Variants in SASH1 observed in about 807,000 individuals in gnomAD.
SASH1 encodes the protein SAM and SH3 domain containing 1.
Under a neutral mutation model 125.2 loss-of-function variants are expected in SASH1, and 44 were observed. That is an observed-to-expected ratio of 0.35 (90% CI 0.28 to 0.45). The LOEUF is 0.45. Among genes scored for constraint, SASH1 ranks in the 20% least tolerant of loss-of-function variants. SASH1 has a pLI of 1.00. For synonymous variants in SASH1, 639 were observed against 649.1 expected, an observed-to-expected ratio of 0.98 and a Z score of 0.24; for missense variants, 1,426 against 1,614.5, an observed-to-expected ratio of 0.88 and a Z score of 2.00.
At chr6:148,441,854 T>C (rs1776560133) in intron 4 of SASH1, among the ~76,000 whole-genome samples, 1 of 152,230 alleles carries the variant, frequency 6.6e-6, no homozygotes, top group South Asian at 2.1e-4. Context: ...AAATGTGGCA[T>C]GGCTCTTGTG....
intron 7 of SASH1, chr6:148,480,545 A>C (rs974968912): frequency 1.3e-5 from 2 of 152,180 alleles, no homozygotes; most frequent in Admixed American, 1.3e-4. Flanking sequence ...ATCAGTGATT[A>C]CAGGACATCT....
intron 2 of SASH1, among the ~76,000 whole-genome samples, chr6:148,439,756 A>T (rs1672098387): frequency 6.6e-6 from 1 of 151,162 alleles, no homozygotes; most frequent in Non-Finnish European, 1.5e-5. Context: ...CAGCCTGGTG[A>T]CAGAGCTAGA....
At chr6:148,195,411 C>T in the SASH1 span, among the ~76,000 whole-genome samples, 1 of 152,206 alleles carries the variant, frequency 6.6e-6, no homozygotes, top group African/African-American at 2.4e-5. Context: ...GAGACGTAGG[C>T]ATTGGTCCTG....
intron 2 of SASH1, among the ~76,000 whole-genome samples, chr6:148,418,664 G>A (rs931835048): frequency 8.5e-5 from 13 of 152,126 alleles, no homozygotes; most frequent in Non-Finnish European, 1.2e-4. Flanking sequence ...CAGGCACTTC[G>A]CTAGGTCTTG....
At position 148,343,107 on chromosome 6, in the gene SASH1, G is replaced by A; in HGVS notation, c.40G>A (p.Glu14Lys). The change falls in exon 1 of 20, where the codon GAG becomes AAG. Residue 14 changes from glutamate (E) to lysine (K), a missense_variant. Glu to Lys is a moderately conservative substitution (Grantham distance 56). Around this residue, in one of 3 missense-constraint regions of SASH1, gnomAD observed 567 missense variants for 575.6 expected, o/e 0.99. Coordinates refer to ENST00000367467, the MANE Select transcript of SASH1 (RefSeq NM_015278.5). ...AGCAGCTGGCCCGGGGCCGGAGCCTGAGCCCGAGCCCGAGCCGGAGCCCGA... is the reference window on the plus strand; with the variant it reads ...AGCAGCTGGCCCGGGGCCGGAGCCTAAGCCCGAGCCCGAGCCGGAGCCCGA... Reference protein sequence around the residue: ...AGAAGPGPEPEPEPEPEPEPA... With the variant: ...AGAAGPGPEPKPEPEPEPEPA... 1.9e-6 allele frequency: 3 copies of A among 1,547,348 alleles called. No homozygotes were observed. In the South Asian group the frequency reaches 3.4e-5, roughly 18 times the overall value.
chr6:148,396,478 GAAAAAAAA>G (rs61277112), intron 2 of SASH1, among the ~76,000 whole-genome samples: 63 of 63,798 alleles, frequency 9.9e-4, no homozygotes, highest in African/African-American at 2.3e-3. Flanking sequence ...CTGCATCTCA[GAAAAAAAA>G]AAAAAAAAAA....
intron 1 of SASH1, among the ~76,000 whole-genome samples, chr6:148,324,129 A>AAAAAAAAAC (rs1312917946): frequency 2.0e-5 from 3 of 149,956 alleles, no homozygotes; most frequent in African/African-American, 7.3e-5. Context: ...AAAAAAAAAA[A>AAAAAAAAAC]AAAAAAACAA....
chr6:148,363,915 A>G lies in SASH1; in HGVS notation c.156+20692A>G, dbSNP rs536998674. ...ATATTTTATTCCCTGTGGATTCTATAATGGACATTTTAATTAAACTCTAAT... is the reference window on the plus strand; with the variant it reads ...ATATTTTATTCCCTGTGGATTCTATGATGGACATTTTAATTAAACTCTAAT... On this transcript the variant is annotated intron_variant, in intron 1 of 19. Coordinates refer to ENST00000367467, the MANE Select transcript of SASH1 (RefSeq NM_015278.5). Among the ~76,000 whole-genome samples the G allele has an allele frequency of 1.6e-4, 24 of 152,190 alleles. 1 individual carries two copies. The highest frequency in any genetic ancestry group is 5.8e-4 in the African/African-American group (24 of 41,448).
At chr6:148,345,933 GTAAA>G (rs1781507124) in intron 1 of SASH1, among the ~76,000 whole-genome samples, 1 of 152,314 alleles carries the variant, frequency 6.6e-6, no homozygotes, top group African/African-American at 2.4e-5. Flanking sequence ...TGTGTTTTAG[GTAAA>G]ATGTGACTTA....
Position 148,533,620 on chromosome 6 carries a change from A to G in SASH1, c.1735-151A>G. ...TCTGCGGAGCTCACAGTCACATCCT[A>G]TGCAGGTCACTCAGAGGGGTGACTT... On this transcript the variant is annotated intron_variant, in intron 14 of 19. Coordinates refer to ENST00000367467, the MANE Select transcript of SASH1 (RefSeq NM_015278.5). This position sits in a 1 kb window ranked among gnomAD's most constrained non-coding sequence, Gnocchi z 6.2. 4.2e-6 allele frequency: 3 copies of G among 716,604 alleles called. No homozygotes were observed. Among genetic ancestry groups the G allele is most frequent in the Non-Finnish European group, 7.2e-6 (3 of 414,564 alleles). The allele number at this position is 716,604 out of a possible 1,614,324, so 44.4% of individuals were successfully genotyped here. A position where few individuals can be genotyped will look rare whatever the true frequency, so the allele number is the denominator to read the frequency against.
chr6:148,499,645 G>A (rs1779481820), intron 8 of SASH1, among the ~76,000 whole-genome samples: 1 of 152,154 alleles, frequency 6.6e-6, no homozygotes, highest in Non-Finnish European at 1.5e-5. Flanking sequence ...CCCAGAGAAG[G>A]TGGTTGACAC....
At position 148,544,525 on chromosome 6, in the gene SASH1, C is replaced by T; in HGVS notation, c.3055C>T (p.Leu1019=). 1.2e-6 allele frequency: 2 copies of T among 1,613,336 alleles called. No individual in the cohort carries two copies. Among genetic ancestry groups the T allele is most frequent in the Non-Finnish European group, 1.7e-6 (2 of 1,179,986 alleles). The change falls in exon 18 of 20, where the codon CTG becomes TTG. Residue 1019 remains leucine (L), a synonymous_variant. Coordinates refer to ENST00000367467, the MANE Select transcript of SASH1 (RefSeq NM_015278.5). The surrounding 1 kb of genome is among the most constrained non-coding windows in gnomAD (Gnocchi z 6.4). Reference sequence around the variant, plus strand: ...CCTCCCCAGTCCCGATGCGCCATGCCTGCCAGTGAAAAGGGGCAGCCCCGC... The same window carrying T: ...CCTCCCCAGTCCCGATGCGCCATGCTTGCCAGTGAAAAGGGGCAGCCCCGC... ...GALPSPDAPC[L]PVKRGSPASP...
At chr6:148,424,241 T>C (rs190651729) in intron 2 of SASH1, among the ~76,000 whole-genome samples, 291 of 151,846 alleles carry the variant, frequency 1.9e-3, no homozygotes, top group African/African-American at 6.5e-3. Context: ...TCTTTTTTTT[T>C]TTTGGGGGGG....
intron 1 of SASH1, among the ~76,000 whole-genome samples, chr6:148,324,535 G>A (rs1780746144): frequency 6.6e-6 from 1 of 152,060 alleles, no homozygotes; most frequent in African/African-American, 2.4e-5. Flanking sequence ...TTCAGCTTGG[G>A]AATGTTCTCA....
chr6:148,292,581 CA>C (rs978101434), intron 1 of SASH1, among the ~76,000 whole-genome samples: 104 of 152,230 alleles, frequency 6.8e-4, no homozygotes, highest in African/African-American at 2.2e-3. Context: ...GTGTAAAGGG[CA>C]TGTTACTTAA....
rs1345748335 is a variant in SASH1, at chr6:148,326,023, T to C, written n.74+53646T>C. 1.7e-4 allele frequency among the ~76,000 whole-genome samples: 23 copies of C among 132,446 alleles called. No homozygotes were observed. The Admixed American group carries it at 2.0e-3, about 11-fold the overall frequency. The allele number at this position is 132,446 out of a possible 152,430, so 86.9% of individuals were successfully genotyped here. A position where few individuals can be genotyped will look rare whatever the true frequency, so the allele number is the denominator to read the frequency against. On this transcript the variant is annotated intron_variant and non_coding_transcript_variant, in intron 1 of 3. Transcript: ENST00000367469. The stretch of plus-strand genomic sequence containing the variant: ...ATTTATAATCCTCAGTGATTCCACA[T>C]TGCTCTTGAACTTTTTTTTTTTTTG...
At chr6:148,377,119 G>A (rs757523760) in intron 1 of SASH1, among the ~76,000 whole-genome samples, 3 of 136,318 alleles carry the variant, frequency 2.2e-5, no homozygotes, top group Non-Finnish European at 3.1e-5. Context: ...GCAGTGAGCC[G>A]AGATCCCGCC....
In SASH1 at chr6:148,429,088, G is replaced by A. The variant is rs540028203; in HGVS notation, c.286-11096G>A. ...TAAACATTACAACATTCTGTTTTAAGTTCTTATGTATCTAGGTTGTAGATC... is the reference window on the plus strand; with the variant it reads ...TAAACATTACAACATTCTGTTTTAAATTCTTATGTATCTAGGTTGTAGATC... On this transcript the variant is annotated intron_variant, in intron 2 of 19. Coordinates refer to ENST00000367467, the MANE Select transcript of SASH1 (RefSeq NM_015278.5). Among the ~76,000 whole-genome samples the A allele has an allele frequency of 2.0e-5, 3 of 152,230 alleles. No homozygotes were observed. In the East Asian group the frequency reaches 5.8e-4, roughly 29 times the overall value.
rs879657198 is a variant in SASH1, at chr6:148,287,695, G to GTGT, written n.74+15318_74+15319insTGT. Among the ~76,000 whole-genome samples, 15 of 147,172 alleles carry GTGT rather than the reference G, an allele frequency of 1.0e-4. No homozygotes were observed. The South Asian group carries it at 1.1e-3, about 11-fold the overall frequency. On this transcript the variant is annotated intron_variant and non_coding_transcript_variant, in intron 1 of 3. Coordinates refer to the SASH1 transcript ENST00000367469. Reference sequence around the variant, plus strand: ...CTGTAATCAGTGCGTGCGTGTGTGTGGGGGGGTGGGGGGTGGTATTCCTCT... The same window carrying GTGT: ...CTGTAATCAGTGCGTGCGTGTGTGTGTGTGGGGGGTGGGGGGTGGTATTCCTCT...
Sources: allele counts gnomAD v4.1 joint callset (sites outside exome capture counted in the v4.1 genomes callset), GRCh38; gene constraint gnomAD v4.1.1; regional missense constraint gnomAD v4.1.1; non-coding constraint Gnocchi (gnomAD v3.1); transcripts MANE v1.5; gene names NCBI Gene and HGNC (gene_info 2026-07-23, HGNC 2026-07-21).